Variants in FBN2 observed in about 807,000 individuals in gnomAD.
The protein encoded by FBN2 is fibrillin-2.
In FBN2, 105 loss-of-function variants were observed where a neutral mutation model predicts 355.6. That is an observed-to-expected ratio of 0.30 (90% CI 0.25 to 0.35). FBN2 has a LOEUF of 0.35. Among genes scored for constraint, FBN2 ranks in the 10% least tolerant of loss-of-function variants. FBN2 has a pLI of 1.00. For missense variants in FBN2, 3,280 were observed against 3,758.7 expected, an observed-to-expected ratio of 0.87 and a Z score of 3.33; for synonymous variants, 1,350 against 1,301.2, an observed-to-expected ratio of 1.04 and a Z score of -0.81.
At chr5:128,497,552 G>A (rs1755689205) in intron 5 of FBN2, among the ~76,000 whole-genome samples, 1 of 152,178 alleles carries the variant, frequency 6.6e-6, no homozygotes, top group Non-Finnish European at 1.5e-5. Flanking sequence ...AAAAGGAAAG[G>A]CATACTGCAG....
chr5:128,299,895 T>C (rs1749667092), intron 48 of FBN2, among the ~76,000 whole-genome samples: 1 of 145,492 alleles, frequency 6.9e-6, no homozygotes, highest in African/African-American at 2.5e-5. Context: ...TCTAGTATTA[T>C]TGTTTATTAT....
chr5:128,291,679 T>C lies in FBN2; in HGVS notation c.6167-25A>G, dbSNP rs761866039. On this transcript the variant is annotated intron_variant, in intron 48 of 64. Transcript: ENST00000262464. ...TCTGCAGAACAGGGGGAGTATTTAT[T>C]AGCCATTCAACACTTGAAAATAAAC... 3.1e-6 allele frequency: 5 copies of C among 1,609,194 alleles called. No homozygotes were observed. The African/African-American group carries it at 4.0e-5, about 13-fold the overall frequency.
intron 6 of FBN2, among the ~76,000 whole-genome samples, chr5:128,453,279 G>A (rs1010070903): frequency 6.6e-6 from 1 of 152,204 alleles, no homozygotes; most frequent in Admixed American, 6.5e-5. Flanking sequence ...AGCTGTTAAA[G>A]TCAGAAGCCT....
chr5:128,500,821 A>T (rs530345329), intron 5 of FBN2, among the ~76,000 whole-genome samples: 1 of 152,070 alleles, frequency 6.6e-6, no homozygotes, highest in Non-Finnish European at 1.5e-5. Flanking sequence ...ATAGGACTAA[A>T]ATCCCTACCT....
chr5:128,419,490 AT>A (rs1753289320), intron 7 of FBN2, among the ~76,000 whole-genome samples: 2 of 150,902 alleles, frequency 1.3e-5, no homozygotes, highest in African/African-American at 4.9e-5. Context: ...TTCTATTCTT[AT>A]TTTTTTCTTT....
chr5:128,474,746 T>C (rs966226148), intron 5 of FBN2, among the ~76,000 whole-genome samples: 1 of 152,160 alleles, frequency 6.6e-6, no homozygotes, highest in Admixed American at 6.6e-5. Context: ...GAAACTAATG[T>C]GTAATGGGAA....
chr5:128,355,912 A>G (rs1216127689), intron 20 of FBN2, among the ~76,000 whole-genome samples: 1 of 152,210 alleles, frequency 6.6e-6, no homozygotes, highest in East Asian at 1.9e-4. Flanking sequence ...GTTCTTGTTT[A>G]GTTAATAAAT....
At chr5:128,338,174 C>A in intron 26 of FBN2, 52 bp from the exon 27 acceptor site, 1 of 1,569,834 alleles carries the variant, frequency 6.4e-7, no homozygotes, top group South Asian at 1.1e-5. Context: ...GAAAAATATT[C>A]ACACATACAG....
intron 4 of FBN2, among the ~76,000 whole-genome samples, chr5:128,522,768 G>A (rs536655859): frequency 3.9e-5 from 6 of 152,044 alleles, no homozygotes; most frequent in Non-Finnish European, 8.8e-5. Flanking sequence ...AAAAAGAATG[G>A]AAACAGCAAC....
chr5:128,297,254 C>T (rs932901794), intron 48 of FBN2, among the ~76,000 whole-genome samples: 16 of 152,046 alleles, frequency 1.1e-4, no homozygotes, highest in African/African-American at 3.9e-4. Flanking sequence ...GCTTTACTTC[C>T]AAGTATGTGG....
At position 128,377,769 on chromosome 5, in the gene FBN2, T is replaced by C. The variant is rs1752118700; in HGVS notation, c.1832A>G (p.Asp611Gly). ...TTCCATACCAACACAGTTTTTTCCA[T>C]CTGTAGTTAATTCAAAGCCGGCATT... ...ICNAGFELTT[D>G]GKNCVDHDEC... Residue 611 changes from aspartate to glycine, a missense_variant, in exon 13 of 65, where the codon GAT becomes GGT. Physicochemically the swap from Asp to Gly is moderately conservative, Grantham distance 94. Around this residue, in one of 6 missense-constraint regions of FBN2, gnomAD observed 2,284 missense variants for 2,749.5 expected, o/e 0.83. Transcript: ENST00000262464. The C allele has an allele frequency of 6.2e-7, 1 of 1,613,546 alleles. No homozygotes were observed. The highest frequency in any genetic ancestry group is 8.5e-7 in the Non-Finnish European group (1 of 1,179,614).
chr5:128,443,149 C>T (rs1051209271), intron 7 of FBN2, among the ~76,000 whole-genome samples: 1 of 152,066 alleles, frequency 6.6e-6, no homozygotes, highest in Non-Finnish European at 1.5e-5. Flanking sequence ...CTGCAGGTGA[C>T]CAAAGAGGAA....
intron 48 of FBN2, among the ~76,000 whole-genome samples, chr5:128,298,412 G>A (rs898676560): frequency 1.3e-5 from 2 of 152,080 alleles, no homozygotes; most frequent in Non-Finnish European, 2.9e-5. Context: ...AGTTCTCCTG[G>A]ATAACATCCT....
chr5:128,312,577 G>C, intron 37 of FBN2, 57 bp downstream of exon 37: 1 of 1,594,876 alleles, frequency 6.3e-7, no homozygotes, highest in Non-Finnish European at 8.6e-7. Context: ...GAATAAAATG[G>C]CAACAAATCT....
At chr5:128,379,368 C>G (rs1027934133) in intron 11 of FBN2, among the ~76,000 whole-genome samples, 2 of 151,732 alleles carry the variant, frequency 1.3e-5, no homozygotes, top group African/African-American at 4.8e-5. Flanking sequence ...TTTGGTATAA[C>G]TTTTTTTTGG....
At chr5:128,448,531 T>A (rs1754137438) in intron 6 of FBN2, among the ~76,000 whole-genome samples, 1 of 152,080 alleles carries the variant, frequency 6.6e-6, no homozygotes, top group Non-Finnish European at 1.5e-5. Context: ...GGTCTTGATC[T>A]CCTGACCTCA....
At chr5:128,423,263 C>G (rs1753399094) in intron 7 of FBN2, among the ~76,000 whole-genome samples, 1 of 152,150 alleles carries the variant, frequency 6.6e-6, no homozygotes, top group Non-Finnish European at 1.5e-5. Flanking sequence ...CGTTCTCACA[C>G]TGCTAATAAA....
intron 63 of FBN2, among the ~76,000 whole-genome samples, chr5:128,262,658 T>C (rs923745927): frequency 2.0e-5 from 3 of 152,230 alleles, no homozygotes; most frequent in Non-Finnish European, 4.4e-5. Flanking sequence ...TAAATGACCT[T>C]TGTGTAGACC....
intron 2 of FBN2, among the ~76,000 whole-genome samples, chr5:128,535,841 C>T (rs1756830671): frequency 6.6e-6 from 1 of 151,286 alleles, no homozygotes; most frequent in Non-Finnish European, 1.5e-5. Flanking sequence ...AACTCAAGCC[C>T]CTTTGTAAGA....
Sources: gnomAD v4.1 joint callset for allele counts (sites outside exome capture counted in the v4.1 genomes callset) on GRCh38, gnomAD v4.1.1 for gene constraint, gnomAD v4.1.1 regional missense constraint, MANE v1.5 for transcripts, NCBI Gene and HGNC (gene_info 2026-07-23, HGNC 2026-07-21) for gene names.